ATP6V1E1: variants seen among roughly 807,000 people sequenced by gnomAD.
ATP6V1E1 encodes the protein V-type proton ATPase subunit E 1.
A neutral mutation model predicts 35.2 loss-of-function variants in ATP6V1E1; 21 were observed. The observed-to-expected ratio is 0.60, with a 90% confidence interval of 0.42 to 0.86. The LOEUF (loss-of-function observed/expected upper bound fraction) is 0.86. ATP6V1E1 is among the 40% of genes least tolerant of loss of function. The probability of loss-of-function intolerance (pLI) is 0.00; values close to 1 mark genes in which losing one functional copy is unlikely to be tolerated. For synonymous variants in ATP6V1E1, 83 were observed against 87.8 expected (o/e 0.95, Z 0.30); for missense variants, 183 against 272.6 (o/e 0.67, Z 2.32).
At chr22:17,622,071 C>T (rs903640647) in intron 1 of ATP6V1E1, among the ~76,000 whole-genome samples, 7 of 152,244 alleles carry the variant, frequency 4.6e-5, no homozygotes, top group African/African-American at 1.2e-4. Flanking sequence ...AAAATCCAAC[C>T]GACACAGCTC....
intron 2 of ATP6V1E1, among the ~76,000 whole-genome samples, chr22:17,614,893 C>T (rs1443869688): frequency 1.3e-5 from 2 of 149,704 alleles, no homozygotes; most frequent in Non-Finnish European, 3.0e-5. Flanking sequence ...GGCATGAACC[C>T]GGGAGGCGGA....
At chr22:17,597,794 C>T (rs184010527) in intron 7 of ATP6V1E1, among the ~76,000 whole-genome samples, 1 of 151,152 alleles carries the variant, frequency 6.6e-6, no homozygotes, top group East Asian at 1.9e-4. Context: ...CCACGCTCAG[C>T]TAATTTTTGT....
At chr22:17,596,710 A>T (rs2057734199) in intron 7 of ATP6V1E1, among the ~76,000 whole-genome samples, 1 of 152,108 alleles carries the variant, frequency 6.6e-6, no homozygotes, top group African/African-American at 2.4e-5. Flanking sequence ...AGAATCAGGA[A>T]TCTAACCCAA....
At chr22:17,599,623 G>A (rs1176502147) in intron 6 of ATP6V1E1, among the ~76,000 whole-genome samples, 1 of 140,100 alleles carries the variant, frequency 7.1e-6, no homozygotes, top group African/African-American at 2.6e-5. Flanking sequence ...ATAAAAGATA[G>A]AAGTGGGTTT....
intron 4 of ATP6V1E1, among the ~76,000 whole-genome samples, chr22:17,606,538 C>T (rs2057787847): frequency 6.6e-6 from 1 of 152,148 alleles, no homozygotes; most frequent in African/African-American, 2.4e-5. Context: ...TGTTTATCTT[C>T]TCAAAATTCT....
intron 2 of ATP6V1E1, among the ~76,000 whole-genome samples, chr22:17,614,321 G>T (rs2057830965): frequency 7.1e-6 from 1 of 140,162 alleles, no homozygotes; most frequent in Non-Finnish European, 1.6e-5. Context: ...CTGCACTCTA[G>T]CTTAGGGAAG....
At chr22:17,605,188 A>G (rs1169258927) in intron 4 of ATP6V1E1, among the ~76,000 whole-genome samples, 1 of 139,202 alleles carries the variant, frequency 7.2e-6, no homozygotes, top group Non-Finnish European at 1.5e-5. Flanking sequence ...CTGGGGGACA[A>G]GAGTGAGACT....
chr22:17,603,906 T>C (rs935423484), intron 4 of ATP6V1E1, among the ~76,000 whole-genome samples: 3 of 152,154 alleles, frequency 2.0e-5, no homozygotes, highest in Non-Finnish European at 2.9e-5. Flanking sequence ...CAGACAGGGA[T>C]AGACAGCCTG....
chr22:17,623,702 G>A (rs1039313630), intron 1 of ATP6V1E1, among the ~76,000 whole-genome samples: 2 of 151,458 alleles, frequency 1.3e-5, no homozygotes, highest in Non-Finnish European at 2.9e-5. Flanking sequence ...AATCAAAACC[G>A]GTGTTTATAA....
chr22:17,625,436 T>C (rs1414562923), intron 1 of ATP6V1E1, among the ~76,000 whole-genome samples: 2 of 152,190 alleles, frequency 1.3e-5, no homozygotes, highest in African/African-American at 2.4e-5. Context: ...TTTTGAATTT[T>C]AGTAGAGACA....
At chr22:17,599,140 G>C (rs1253402762) in intron 6 of ATP6V1E1, among the ~76,000 whole-genome samples, 1 of 152,142 alleles carries the variant, frequency 6.6e-6, no homozygotes, top group African/African-American at 2.4e-5. Context: ...TGGAGAGTTA[G>C]TGTTTAATGA....
chr22:17,620,978 C>T (rs966362982), intron 1 of ATP6V1E1, among the ~76,000 whole-genome samples: 5 of 152,010 alleles, frequency 3.3e-5, no homozygotes, highest in South Asian at 4.1e-4. Context: ...AGGAGAATGG[C>T]GTGAACCCGG....
At chr22:17,607,401 C>T (rs551526794) in intron 4 of ATP6V1E1, among the ~76,000 whole-genome samples, 4 of 152,262 alleles carry the variant, frequency 2.6e-5, no homozygotes, top group African/African-American at 9.6e-5. Flanking sequence ...CACGATCTGC[C>T]TGCCTCGGCC....
At chr22:17,607,821 A>G (rs2057793938) in intron 4 of ATP6V1E1, among the ~76,000 whole-genome samples, 2 of 152,306 alleles carry the variant, frequency 1.3e-5, no homozygotes, top group Admixed American at 1.3e-4. Flanking sequence ...GAACATCTGC[A>G]TTTTAACAAG....
At chr22:17,600,156 C>CG in intron 5 of ATP6V1E1, 61 bp from the exon 6 acceptor site, 3 of 1,469,024 alleles carry the variant, frequency 2.0e-6, no homozygotes, top group Non-Finnish European at 2.9e-6. Context: ...AGAAACAGGT[C>CG]GGGCACAGTG....
intron 1 of ATP6V1E1, among the ~76,000 whole-genome samples, chr22:17,628,242 A>T (rs2057932511): frequency 6.6e-6 from 1 of 152,232 alleles, no homozygotes; most frequent in Non-Finnish European, 1.5e-5. Context: ...CTGGGATTAC[A>T]GGCGTGAGCC....
At chr22:17,606,873 T>C (rs2057789363) in intron 4 of ATP6V1E1, among the ~76,000 whole-genome samples, 1 of 152,228 alleles carries the variant, frequency 6.6e-6, no homozygotes, top group Non-Finnish European at 1.5e-5. Flanking sequence ...AGAGACCATT[T>C]TGAGTTTGCC....
At chr22:17,619,257 A>C in intron 2 of ATP6V1E1, 1 of 570,840 alleles carries the variant, frequency 1.8e-6, no homozygotes, top group South Asian at 2.0e-5. Flanking sequence ...GCGCCATTGC[A>C]CTTCAGCCTG....
chr22:17,603,540 G>A (rs1011543776), intron 4 of ATP6V1E1, among the ~76,000 whole-genome samples: 2 of 151,974 alleles, frequency 1.3e-5, no homozygotes, highest in African/African-American at 2.4e-5. Context: ...TCAGCCATGT[G>A]CAGTGGCTCA....
Sources: gnomAD v4.1 joint callset for allele counts (sites outside exome capture counted in the v4.1 genomes callset) on GRCh38, gnomAD v4.1.1 for gene constraint, MANE v1.5 for transcripts, NCBI Gene and HGNC (gene_info 2026-07-23, HGNC 2026-07-21) for gene names.